The following SOX6 variants were observed in gnomAD, a reference collection of about 807,000 sequenced individuals.
SOX6 encodes the protein transcription factor SOX-6.
SOX6 carries 11 observed loss-of-function variants against 97.8 expected under a neutral mutation model. That is an observed-to-expected ratio of 0.11 (90% CI 0.07 to 0.19). SOX6 has a LOEUF of 0.19. Ranked by LOEUF, SOX6 falls within the 10% of genes least tolerant of loss-of-function variation. The pLI is 1.00. For missense variants in SOX6, 810 were observed against 1,039.5 expected, an observed-to-expected ratio of 0.78 and a Z score of 3.04; for synonymous variants, 360 against 371.4, an observed-to-expected ratio of 0.97 and a Z score of 0.35.
At chr11:16,088,628 C>A (rs1455739636) in intron 9 of SOX6, among the ~76,000 whole-genome samples, 3 of 152,130 alleles carry the variant, frequency 2.0e-5, no homozygotes, top group Non-Finnish European at 4.4e-5. Flanking sequence ...TTTGACACAA[C>A]TCTAATGATA....
intron 3 of SOX6, among the ~76,000 whole-genome samples, chr11:16,667,132 C>G (rs959771898): frequency 6.6e-6 from 1 of 151,220 alleles, no homozygotes; most frequent in African/African-American, 2.4e-5. Flanking sequence ...CCCAGCTACT[C>G]AGGAGGCTGA....
intron 6 of SOX6, among the ~76,000 whole-genome samples, chr11:16,138,523 G>T (rs1254254996): frequency 2.0e-5 from 3 of 151,584 alleles, no homozygotes; most frequent in African/African-American, 7.3e-5. Flanking sequence ...AAATTTTTTT[G>T]TTGTTGTTTT....
chr11:16,565,603 A>C (rs1847861052), intron 4 of SOX6, among the ~76,000 whole-genome samples: 1 of 151,766 alleles, frequency 6.6e-6, no homozygotes, highest in Non-Finnish European at 1.5e-5. Flanking sequence ...GACAGACAAA[A>C]ATAATTTTAA....
At chr11:16,593,863 G>A (rs1382982320) in intron 4 of SOX6, among the ~76,000 whole-genome samples, 1 of 152,044 alleles carries the variant, frequency 6.6e-6, no homozygotes, top group South Asian at 2.1e-4. Context: ...AAAAGCCCAA[G>A]CTCTTAACAC....
intron 10 of SOX6, among the ~76,000 whole-genome samples, chr11:16,051,682 G>A (rs1847690298): frequency 6.6e-6 from 1 of 152,030 alleles, no homozygotes; most frequent in South Asian, 2.1e-4. Flanking sequence ...TATATGCTAG[G>A]TGTTTACTTA....
intron 4 of SOX6, among the ~76,000 whole-genome samples, chr11:16,209,372 GACTAA>G (rs1022565898): frequency 1.3e-5 from 2 of 152,076 alleles, no homozygotes; most frequent in African/African-American, 2.4e-5. Flanking sequence ...TTACTAGTCT[GACTAA>G]GCTCTATGCA....
intron 1 of SOX6, among the ~76,000 whole-genome samples, chr11:16,350,347 C>A (rs1856907718): frequency 6.6e-6 from 1 of 152,146 alleles, no homozygotes; most frequent in African/African-American, 2.4e-5. Flanking sequence ...TCTCTAGCTG[C>A]ACGTTTTATT....
chr11:16,107,004 T>C (rs1849104251), intron 7 of SOX6, among the ~76,000 whole-genome samples: 1 of 151,978 alleles, frequency 6.6e-6, no homozygotes, highest in Non-Finnish European at 1.5e-5. Context: ...TCATAAATCA[T>C]TAAGGAAATG....
chr11:16,392,768 CT>C (rs924186654), intron 1 of SOX6, among the ~76,000 whole-genome samples: 3 of 151,936 alleles, frequency 2.0e-5, no homozygotes, highest in Admixed American at 6.6e-5. Flanking sequence ...AAAAACACAC[CT>C]TTTTTTATTA....
chr11:16,388,950 T>G (rs1234089801), intron 1 of SOX6, among the ~76,000 whole-genome samples: 2 of 152,212 alleles, frequency 1.3e-5, no homozygotes, highest in Non-Finnish European at 2.9e-5. Context: ...TTCAATTTTT[T>G]TCCCTGCCCC....
At chr11:16,193,277 T>C (rs1194298177) in intron 4 of SOX6, among the ~76,000 whole-genome samples, 5 of 152,110 alleles carry the variant, frequency 3.3e-5, no homozygotes, top group African/African-American at 1.2e-4. Context: ...GAGGCTAAGG[T>C]GGCAGCATCT....
chr11:16,222,880 C>T (rs529451501), intron 4 of SOX6, among the ~76,000 whole-genome samples: 7 of 152,026 alleles, frequency 4.6e-5, no homozygotes, highest in Non-Finnish European at 1.0e-4. Flanking sequence ...GAAAACTAAT[C>T]CCTTTCACCT....
intron 3 of SOX6, among the ~76,000 whole-genome samples, chr11:16,262,387 A>C (rs1009739552): frequency 6.6e-6 from 1 of 152,080 alleles, no homozygotes; most frequent in Non-Finnish European, 1.5e-5. Flanking sequence ...GAGGAAAATC[A>C]CTGCCAAGAT....
intron 3 of SOX6, among the ~76,000 whole-genome samples, chr11:16,245,356 T>C (rs752419758): frequency 2.0e-5 from 3 of 151,750 alleles, no homozygotes; most frequent in Non-Finnish European, 4.4e-5. Flanking sequence ...GCATGTGCCT[T>C]ATCTTGGGGA....
chr11:16,040,103 G>A (rs149742069), intron 12 of SOX6, among the ~76,000 whole-genome samples: 2 of 152,004 alleles, frequency 1.3e-5, no homozygotes, highest in East Asian at 1.9e-4. Flanking sequence ...TGAATATATC[G>A]AATTTTAGCC....
intron 1 of SOX6, among the ~76,000 whole-genome samples, chr11:16,461,253 A>G (rs1859920126): frequency 1.3e-5 from 2 of 152,098 alleles, no homozygotes; most frequent in Non-Finnish European, 2.9e-5. Flanking sequence ...TCGCTTGTTT[A>G]AATCTTTTAC....
chr11:16,022,676 G>A (rs1305595846), intron 12 of SOX6, among the ~76,000 whole-genome samples: 1 of 152,122 alleles, frequency 6.6e-6, no homozygotes, highest in African/African-American at 2.4e-5. Context: ...GCCTCCCAAA[G>A]TGCTGGGATT....
intron 4 of SOX6, among the ~76,000 whole-genome samples, chr11:16,493,694 T>C (rs2133134542): frequency 6.6e-6 from 1 of 152,302 alleles, no homozygotes; most frequent in South Asian, 2.1e-4. Flanking sequence ...AATATTTAAA[T>C]ATAATATAAG....
At chr11:16,698,002 G>A (rs963520374) in intron 3 of SOX6, among the ~76,000 whole-genome samples, 2 of 152,156 alleles carry the variant, frequency 1.3e-5, no homozygotes, top group African/African-American at 4.8e-5. Flanking sequence ...AGGGCCCTAA[G>A]GCTTCCAAAA....
Sources: gnomAD v4.1 joint callset for allele counts (sites outside exome capture counted in the v4.1 genomes callset) on GRCh38, gnomAD v4.1.1 for gene constraint, MANE v1.5 for transcripts, NCBI Gene and HGNC (gene_info 2026-07-23, HGNC 2026-07-21) for gene names.